Variants in NAV2 observed in about 807,000 individuals in gnomAD.
The protein encoded by NAV2 is helicase, APC down-regulated 1.
In NAV2, 54 loss-of-function variants were observed where a neutral mutation model predicts 223.2. That is an observed-to-expected ratio of 0.24 (90% confidence interval 0.19 to 0.30). The LOEUF is 0.30. Among genes scored for constraint, NAV2 ranks in the 10% least tolerant of loss-of-function variants. NAV2 has a pLI of 1.00. For synonymous variants in NAV2, 1,279 were observed against 1,239.3 expected (o/e 1.03, Z -0.67); for missense variants, 2,806 against 3,147.5 (o/e 0.89, Z 2.60).
chr11:19,560,597 A>G (rs2045059549), intron 1 of NAV2, among the ~76,000 whole-genome samples: 1 of 152,266 alleles, frequency 6.6e-6, no homozygotes, highest in South Asian at 2.1e-4. Context: ...ACATGCTGTG[A>G]ATATAAGTTT....
chr11:19,367,504 A>G (rs1848328584), intron 1 of NAV2, among the ~76,000 whole-genome samples: 2 of 152,328 alleles, frequency 1.3e-5, no homozygotes, highest in Admixed American at 6.5e-5. Context: ...CATCCAAACA[A>G]TGAATAAGTG....
intron 1 of NAV2, among the ~76,000 whole-genome samples, chr11:19,476,281 C>A (rs949703236): frequency 2.0e-5 from 3 of 152,292 alleles, no homozygotes; most frequent in Non-Finnish European, 4.4e-5. Context: ...CCCATTCTTA[C>A]ACTATTGTTT....
chr11:19,980,298 G>T (rs1300008394), intron 10 of NAV2, among the ~76,000 whole-genome samples: 3 of 152,204 alleles, frequency 2.0e-5, no homozygotes, highest in African/African-American at 7.2e-5. Context: ...GTAATGGGGA[G>T]ATGGTTCAGT....
chr11:19,897,366 A>G (rs1195554752), intron 6 of NAV2, among the ~76,000 whole-genome samples: 5 of 152,174 alleles, frequency 3.3e-5, no homozygotes, highest in Non-Finnish European at 5.9e-5. Flanking sequence ...CATGTACCCT[A>G]AAACTTAAAG....
chr11:19,555,326 C>T (rs530060924), intron 1 of NAV2, among the ~76,000 whole-genome samples: 70 of 152,334 alleles, frequency 4.6e-4, no homozygotes, highest in African/African-American at 1.5e-3. Flanking sequence ...CAGGCCAGGT[C>T]TGTGCACTCC....
At chr11:19,912,290 C>A (rs1355457849) in intron 6 of NAV2, among the ~76,000 whole-genome samples, 1 of 152,162 alleles carries the variant, frequency 6.6e-6, no homozygotes, top group African/African-American at 2.4e-5. Flanking sequence ...AAAAGTGATT[C>A]TTGTATGTTT....
At chr11:19,371,934 C>T (rs1848485127) in intron 1 of NAV2, among the ~76,000 whole-genome samples, 1 of 152,078 alleles carries the variant, frequency 6.6e-6, no homozygotes, top group Admixed American at 6.6e-5. Context: ...CCCAGAACCA[C>T]ATCTGGCTAA....
intron 1 of NAV2, among the ~76,000 whole-genome samples, chr11:19,601,018 G>A (rs1257580758): frequency 3.3e-5 from 5 of 152,132 alleles, no homozygotes; most frequent in Non-Finnish European, 5.9e-5. Flanking sequence ...TCTCCTCCTT[G>A]GAACAGCAGA....
chr11:19,995,439 C>T (rs1591582116), intron 11 of NAV2, among the ~76,000 whole-genome samples: 1 of 152,324 alleles, frequency 6.6e-6, no homozygotes, highest in Middle Eastern at 3.4e-3. Context: ...GCCGTGGGGC[C>T]CCCTCTTGTG....
At chr11:20,094,787 C>T (rs933073194) in intron 29 of NAV2, among the ~76,000 whole-genome samples, 3 of 152,192 alleles carry the variant, frequency 2.0e-5, no homozygotes, top group Non-Finnish European at 2.9e-5. Flanking sequence ...CAGATCATGT[C>T]ACTGCAAGAC....
chr11:19,606,539 T>A (rs2046478459), intron 1 of NAV2, among the ~76,000 whole-genome samples: 2 of 152,168 alleles, frequency 1.3e-5, no homozygotes, highest in Non-Finnish European at 2.9e-5. Context: ...TCAGCTAAAC[T>A]CTGCCCAGTC....
intron 1 of NAV2, among the ~76,000 whole-genome samples, chr11:19,399,555 T>C (rs1454685703): frequency 1.3e-5 from 2 of 152,070 alleles, no homozygotes; most frequent in African/African-American, 4.8e-5. Flanking sequence ...AAGCCTACAG[T>C]GTGGGAGCAG....
chr11:19,860,129 G>A (rs1179173982), intron 3 of NAV2, among the ~76,000 whole-genome samples: 36 of 131,688 alleles, frequency 2.7e-4, no homozygotes, highest in Admixed American at 5.2e-4. Context: ...GGGCAGAGGC[G>A]CCCCTCACCT....
intron 12 of NAV2, among the ~76,000 whole-genome samples, chr11:20,040,926 A>T (rs1376294772): frequency 6.6e-6 from 1 of 152,176 alleles, no homozygotes; most frequent in Non-Finnish European, 1.5e-5. Flanking sequence ...GATTCAGAGT[A>T]GAGCTGGGAA....
At chr11:20,036,408 G>A (rs773610670) in intron 12 of NAV2, among the ~76,000 whole-genome samples, 3 of 152,208 alleles carry the variant, frequency 2.0e-5, no homozygotes, top group Non-Finnish European at 2.9e-5. Flanking sequence ...AGAAAAGGAT[G>A]TGGGACTTTA....
At chr11:19,816,146 C>T (rs1157142613) in intron 1 of NAV2, among the ~76,000 whole-genome samples, 1 of 152,186 alleles carries the variant, frequency 6.6e-6, no homozygotes, top group Admixed American at 6.5e-5. Context: ...GACATCTGGG[C>T]TGGAGAAGGG....
At chr11:19,695,402 G>A (rs1349427097) in intron 1 of NAV2, among the ~76,000 whole-genome samples, 1 of 115,832 alleles carries the variant, frequency 8.6e-6, no homozygotes, top group Non-Finnish European at 2.0e-5. Flanking sequence ...AGGAATATTT[G>A]CTCCCAGCCT....
At chr11:19,563,517 G>A (rs562077727) in intron 1 of NAV2, among the ~76,000 whole-genome samples, 29 of 152,286 alleles carry the variant, frequency 1.9e-4, no homozygotes, top group African/African-American at 6.3e-4. Flanking sequence ...CCCTTGGATC[G>A]GGATGCACCT....
At chr11:19,733,160 C>G (rs747774559) in intron 1 of NAV2, among the ~76,000 whole-genome samples, 2 of 152,198 alleles carry the variant, frequency 1.3e-5, no homozygotes, top group Admixed American at 6.5e-5. Flanking sequence ...ATAGAATAAT[C>G]ATCAACAACC....
Sources: gnomAD v4.1 joint callset for allele counts (sites outside exome capture counted in the v4.1 genomes callset) on GRCh38, gnomAD v4.1.1 for gene constraint, MANE v1.5 for transcripts, NCBI Gene and HGNC (gene_info 2026-07-23, HGNC 2026-07-21) for gene names.